Variants in TBC1D8 observed in about 807,000 individuals in gnomAD.
The protein encoded by TBC1D8 is TBC1 domain family member 8, also known as BUB2-like protein 1.
In TBC1D8, 65 loss-of-function variants were observed where a neutral mutation model predicts 118.8. The observed-to-expected ratio is 0.55, with a 90% CI of 0.45 to 0.67. The LOEUF (loss-of-function observed/expected upper bound fraction) is 0.67, where lower values mean the gene tolerates loss of function less well. TBC1D8 is among the 30% of genes least tolerant of loss of function. The pLI is 0.00. For synonymous variants in TBC1D8, 566 were observed against 595.8 expected (o/e 0.95, Z 0.73); for missense variants, 1,376 against 1,471.2 (o/e 0.94, Z 1.06).
At chr2:101,127,801 T>TGA (rs1474777651) in intron 1 of TBC1D8, among the ~76,000 whole-genome samples, 2 of 152,150 alleles carry the variant, frequency 1.3e-5, no homozygotes, top group Non-Finnish European at 2.9e-5. Context: ...GTGGAGGATG[T>TGA]GAGGGTCACA....
intron 1 of TBC1D8, among the ~76,000 whole-genome samples, chr2:101,118,273 G>A (rs536525865): frequency 1.4e-4 from 22 of 152,198 alleles, no homozygotes; most frequent in South Asian, 6.2e-4. Flanking sequence ...GCAATTGTAC[G>A]TAGTGCTGGA....
chr2:101,103,614 G>A (rs187752916), intron 1 of TBC1D8, among the ~76,000 whole-genome samples: 2,393 of 152,016 alleles, frequency 0.016, 61 homozygotes, highest in African/African-American at 0.054. Context: ...GGATGGTCTC[G>A]ATCTCCTGAC....
At chr2:101,058,585 C>T (rs1682574409) in intron 3 of TBC1D8, among the ~76,000 whole-genome samples, 2 of 152,126 alleles carry the variant, frequency 1.3e-5, no homozygotes. Flanking sequence ...AAGACTGTAA[C>T]TCACAGGAGG....
chr2:101,145,113 C>T (rs528789757), intron 1 of TBC1D8, among the ~76,000 whole-genome samples: 117 of 152,196 alleles, frequency 7.7e-4, no homozygotes, highest in African/African-American at 2.6e-3. Flanking sequence ...TGGAAAAGGC[C>T]ACCCTCCAGT....
intron 12 of TBC1D8, 124 bp from the exon 13 acceptor site, chr2:101,028,556 G>A: frequency 1.5e-6 from 2 of 1,349,804 alleles, no homozygotes; most frequent in Non-Finnish European, 2.0e-6. Flanking sequence ...GGAGGGCAAG[G>A]CTGCAGCTGC....
At chr2:101,146,992 C>T (rs66896309) in intron 1 of TBC1D8, among the ~76,000 whole-genome samples, 25,325 of 152,098 alleles carry the variant, frequency 0.17, 2,237 homozygotes, top group African/African-American at 0.22. Context: ...TCACTTAACA[C>T]GATGTCCTCT....
At chr2:101,030,216 A>G (rs1414797178) in intron 11 of TBC1D8, among the ~76,000 whole-genome samples, 1 of 152,250 alleles carries the variant, frequency 6.6e-6, no homozygotes, top group Non-Finnish European at 1.5e-5. Flanking sequence ...GTTCTCTAAA[A>G]GACACCATTA....
At chr2:101,130,135 A>G (rs1678531170) in intron 1 of TBC1D8, among the ~76,000 whole-genome samples, 2 of 152,132 alleles carry the variant, frequency 1.3e-5, no homozygotes, top group African/African-American at 4.8e-5. Flanking sequence ...CGGTCCTGCC[A>G]TTGGGGTACT....
At chr2:101,050,372 G>A in intron 5 of TBC1D8, 29 bp downstream of exon 5, 3 of 1,601,396 alleles carry the variant, frequency 1.9e-6, no homozygotes, top group Non-Finnish European at 2.6e-6. Context: ...CCGTGCGGGT[G>A]GGAGACACTC....
chr2:101,035,528 G>A (rs182043860), intron 9 of TBC1D8, among the ~76,000 whole-genome samples: 1 of 152,258 alleles, frequency 6.6e-6, no homozygotes, highest in East Asian at 1.9e-4. Flanking sequence ...AAGAGGAAAC[G>A]GAACAGAAAA....
intron 1 of TBC1D8, among the ~76,000 whole-genome samples, chr2:101,134,197 T>TCACACA (rs59427291): frequency 1.4e-5 from 1 of 73,570 alleles, no homozygotes; most frequent in African/African-American, 5.4e-5. Context: ...TCTCTCTCTC[T>TCACACA]CACACACACA....
chr2:101,121,055 T>C lies in TBC1D8; in HGVS notation c.127+30072A>G, dbSNP rs148958493. On this transcript the variant is annotated intron_variant, in intron 1 of 19. Coordinates refer to ENST00000409318, the MANE Select transcript of TBC1D8 (RefSeq NM_001330348.2). ...GAACTCACAAGTAGCATGATAACGT[T>C]GAAGAGCCTAACCTAACAGATCCTA... 2.7e-4 allele frequency among the ~76,000 whole-genome samples: 41 copies of C among 152,342 alleles called. 1 individual carries two copies. In the East Asian group the frequency reaches 4.8e-3, roughly 18 times the overall value.
intron 17 of TBC1D8, chr2:101,018,153 C>T: frequency 2.0e-6 from 1 of 503,178 alleles, no homozygotes; most frequent in Non-Finnish European, 3.6e-6. Context: ...CTCATTCATA[C>T]AGATATTGCT....
chr2:101,056,242 C>T (rs1375369196), intron 3 of TBC1D8, among the ~76,000 whole-genome samples: 3 of 148,708 alleles, frequency 2.0e-5, no homozygotes, highest in East Asian at 2.0e-4. Flanking sequence ...CTCGCTCTGT[C>T]GCCCAGGCTG....
At chr2:101,042,782 G>A (rs1250094333) in intron 5 of TBC1D8, among the ~76,000 whole-genome samples, 1 of 151,854 alleles carries the variant, frequency 6.6e-6, no homozygotes, top group Non-Finnish European at 1.5e-5. Context: ...TTTTCTTTAG[G>A]GAAAAGTACA....
chr2:101,035,106 G>A (rs1031538768), intron 9 of TBC1D8, among the ~76,000 whole-genome samples: 11 of 152,210 alleles, frequency 7.2e-5, no homozygotes, highest in African/African-American at 2.7e-4. Flanking sequence ...AGTAGGACAA[G>A]AGATGCTTCC....
Position 101,151,140 on chromosome 2 carries a change from G to A in TBC1D8, c.114C>T (p.Gly38=), listed in dbSNP as rs1679547955. 4 of 1,169,900 alleles carry A rather than the reference G, an allele frequency of 3.4e-6. No homozygotes were observed. Among genetic ancestry groups the A allele is most frequent in the Non-Finnish European group, 3.2e-6 (3 of 926,200 alleles). 72.5% of individuals were successfully genotyped at this position (1,169,900 alleles called of 1,614,324 possible). Residue 38 remains glycine, a synonymous_variant, in exon 1 of 20, where the codon GGC becomes GGT. Transcript: ENST00000409318. The part of the protein sequence containing the change: ...LQRRRGHGEG[G]GRLTGRLVGA... ...CGAGCCCCTTACCGGTGAGGCGGCC[G>A]CCCCCCTCGCCGTGCCCGCGGCGCC...
rs1333368159 is a variant in TBC1D8, at chr2:101,085,053, G to C, written c.283+5156C>G. ...TTTTTAGTAGAGTCGGGGTTTCACC[G>C]TGTTAGCCAGGATGGTCGCGATCTC... is the stretch of plus-strand genomic sequence containing the variant. On this transcript the variant is annotated intron_variant, in intron 2 of 19. Coordinates refer to ENST00000409318, the MANE Select transcript of TBC1D8 (RefSeq NM_001330348.2). Among the ~76,000 whole-genome samples, 6 of 151,710 alleles carry C rather than the reference G, an allele frequency of 4.0e-5. No individual in the cohort carries two copies. The South Asian group carries it at 1.3e-3, about 32-fold the overall frequency.
rs180876066 is a variant in TBC1D8, at chr2:101,120,425, G to A, written c.128-30061C>T. Among the ~76,000 whole-genome samples the A allele has an allele frequency of 5.6e-3, 848 of 152,256 alleles. 13 individuals carry two copies. The highest frequency in any genetic ancestry group is 6.1e-3 in the Non-Finnish European group (417 of 68,022). On this transcript the variant is annotated intron_variant, in intron 1 of 19. Transcript: ENST00000409318. The stretch of plus-strand genomic sequence containing the variant: ...TAGAGATGCTAGTGGTCTGTGGTCC[G>A]GCCTGGGCTACTGACAGTTCTCCAG...
Sources: gnomAD v4.1 joint callset for allele counts (sites outside exome capture counted in the v4.1 genomes callset) on GRCh38, gnomAD v4.1.1 for gene constraint, MANE v1.5 for transcripts, NCBI Gene and HGNC (gene_info 2026-07-23, HGNC 2026-07-21) for gene names.